The following ANKLE1 variants were observed in gnomAD, a reference collection of about 807,000 sequenced individuals.
The protein encoded by ANKLE1 is structure-specific endonuclease ANKLE1.
ANKLE1 carries 59 observed loss-of-function variants against 56.2 expected under a neutral mutation model. The ratio of observed to expected loss-of-function variants is 1.05; its 90% CI spans 0.85 to 1.30. The LOEUF (loss-of-function observed/expected upper bound fraction) is 1.30, where lower values mean the gene tolerates loss of function less well. ANKLE1 is among the 50% of genes most tolerant of loss of function. The probability of loss-of-function intolerance (pLI) is 0.00; values close to 1 mark genes in which losing one functional copy is unlikely to be tolerated. For synonymous variants in ANKLE1, 341 were observed against 352.9 expected, an observed-to-expected ratio of 0.97 and a Z score of 0.38; for missense variants, 771 against 816.1, an observed-to-expected ratio of 0.94 and a Z score of 0.67.
chr19:17,286,491 T>A lies in ANKLE1; in HGVS notation c.1787T>A (p.Leu596His). 6.2e-7 allele frequency: 1 copy of A among 1,612,726 alleles called. No homozygotes were observed. Among genetic ancestry groups the A allele is most frequent in the Non-Finnish European group, 8.5e-7 (1 of 1,179,768 alleles). Residue 596 changes from leucine (L) to histidine (H), a missense_variant, in exon 9 of 9, where the codon CTT becomes CAT. Coordinates refer to ENST00000404085, the MANE Select transcript of ANKLE1 (RefSeq NM_152363.6). ...LGVHLLHRAL[L>H]VFLAEGERQL... ...GTGCACCTGCTGCACCGTGCCCTCCTTGTCTTCCTGGCTGAAGGCGAGCGA... is the reference window on the plus strand; with the variant it reads ...GTGCACCTGCTGCACCGTGCCCTCCATGTCTTCCTGGCTGAAGGCGAGCGA...
rs199646879 is a variant in ANKLE1 at position 17,285,512 on chromosome 19, C to T, written c.1458C>T (p.Tyr486=). The part of the protein sequence containing the change: ...RLQTFIRAIF[Y]VGKGTRARPY... ...AGACTTTCATCCGTGCCATCTTCTA[C>T]GTGGGCAAAGGGACGAGGGCCCGGC... is the stretch of plus-strand genomic sequence containing the variant. Residue 486 remains tyrosine, a synonymous_variant, in exon 7 of 9, where the codon TAC becomes TAT. Coordinates refer to ENST00000404085, the MANE Select transcript of ANKLE1 (RefSeq NM_152363.6). 4.4e-5 allele frequency: 71 copies of T among 1,613,924 alleles called. No homozygotes were observed. In the East Asian group the frequency reaches 8.7e-4, roughly 20 times the overall value.
In ANKLE1 at chr19:17,283,704, G is replaced by T; in HGVS notation, c.940G>T (p.Ala314Ser). 6.2e-7 allele frequency: 1 copy of T among 1,613,576 alleles called. No homozygotes were observed. The highest frequency in any genetic ancestry group is 8.5e-7 in the Non-Finnish European group (1 of 1,179,886). Residue 314 changes from alanine to serine, a missense_variant, in exon 5 of 9, where the codon GCT (alanine) becomes TCT (serine). Transcript: ENST00000404085. ...HSPPRTPTPG[A>S]SDCHCLWEHQ... ...CCCCCCACGGACACCAACCCCTGGA[G>T]CTTCTGACTGCCACTGCCTGTGGGA...
rs1474009240 is a variant in ANKLE1 at position 17,286,675 on chromosome 19, T to TTG, written c.*123_*124insTG. 8.9e-7 allele frequency: 1 copy of TTG among 1,119,558 alleles called. No individual in the cohort carries two copies. The highest frequency in any genetic ancestry group is 1.2e-6 in the Non-Finnish European group (1 of 813,124). 69.4% of individuals were successfully genotyped at this position (1,119,558 alleles called of 1,614,324 possible). A position where few individuals can be genotyped will look rare whatever the true frequency, so the allele number is the denominator to read the frequency against. ...GTGTGTGTGTGTGTGTGTGTGTGTG[T>TTG]GTGTGTGTGTGTGTGTTTGTGTGTG... is the stretch of plus-strand genomic sequence containing the variant. On this transcript the variant is annotated 3_prime_UTR_variant, in exon 9 of 9. Transcript: ENST00000404085.
At chr19:17,286,339 C>T (rs969482163) in intron 8 of ANKLE1, 41 bp from the exon 9 acceptor site, 1 of 1,525,470 alleles carries the variant, frequency 6.6e-7, no homozygotes, top group African/African-American at 1.4e-5. Flanking sequence ...GGGGAGGTGT[C>T]CCCATGGCTG....
At position 17,285,504 on chromosome 19, in the gene ANKLE1, A is replaced by G; in HGVS notation, c.1450A>G (p.Ile484Val). Residue 484 changes from isoleucine to valine, a missense_variant, in exon 7 of 9, where the codon ATC (isoleucine) becomes GTC (valine). Coordinates refer to ENST00000404085, the MANE Select transcript of ANKLE1 (RefSeq NM_152363.6). ...GCGCCTTCAGACTTTCATCCGTGCC[A>G]TCTTCTACGTGGGCAAAGGGACGAG... ...AERLQTFIRA[I>V]FYVGKGTRAR... The G allele has an allele frequency of 3.1e-6, 5 of 1,613,880 alleles. No homozygotes were observed. Among genetic ancestry groups the G allele is most frequent in the Non-Finnish European group, 4.2e-6 (5 of 1,179,882 alleles).
At chr19:17,282,277 C>G (rs1292284562) in intron 2 of ANKLE1, 68 bp downstream of exon 2, 1 of 1,369,786 alleles carries the variant, frequency 7.3e-7, no homozygotes. Context: ...GGAAGGGGCG[C>G]CCCATCATCC....
At chr19:17,285,115 C>T (rs904555075) in intron 6 of ANKLE1, among the ~76,000 whole-genome samples, 2 of 151,948 alleles carry the variant, frequency 1.3e-5, no homozygotes, top group African/African-American at 4.8e-5. Flanking sequence ...CAAAATTAGC[C>T]AGGTGTGTTG....
chr19:17,283,949 C>A lies in ANKLE1; in HGVS notation c.1185C>A (p.Ala395=). 6.2e-7 allele frequency: 1 copy of A among 1,604,478 alleles called. No homozygotes were observed. The highest frequency in any genetic ancestry group is 8.5e-7 in the Non-Finnish European group (1 of 1,173,454). Residue 395 remains alanine, a synonymous_variant, in exon 5 of 9, where the codon GCC becomes GCA. Coordinates refer to ENST00000404085, the MANE Select transcript of ANKLE1 (RefSeq NM_152363.6). The part of the protein sequence containing the change: ...RQLYHQQLEE[A]QIAPGPEFSG... ...TGTACCACCAGCAGCTGGAAGAAGCCCAGATTGCTCCTGGTTAGTCTTCCC... is the reference window on the plus strand; with the variant it reads ...TGTACCACCAGCAGCTGGAAGAAGCACAGATTGCTCCTGGTTAGTCTTCCC...
In ANKLE1 at chr19:17,283,532, T is replaced by C; in HGVS notation, c.768T>C (p.His256=). 3 of 1,613,092 alleles carry C rather than the reference T, an allele frequency of 1.9e-6. No individual in the cohort carries two copies. Among genetic ancestry groups the C allele is most frequent in the Non-Finnish European group, 2.5e-6 (3 of 1,179,776 alleles). The change falls in exon 5 of 9, where the codon CAT becomes CAC. Residue 256 remains histidine (H), a synonymous_variant. Coordinates refer to ENST00000404085, the MANE Select transcript of ANKLE1 (RefSeq NM_152363.6). The part of the protein sequence containing the change: ...PTRQGLLHVV[H]ANQRVPRSQG... ...GGCAGGGACTTCTGCATGTTGTCCA[T>C]GCCAACCAGAGGGTACCTAGGTCTC...
In ANKLE1 at chr19:17,286,656, GT is replaced by G; in HGVS notation, c.*105del. ...CTCTGGTTTCAGAAGGGGTGTGTGT[GT>G]GTGTGTGTGTGTGTGTGTGTGTGTG... On this transcript the variant is annotated 3_prime_UTR_variant, in exon 9 of 9. Coordinates refer to ENST00000404085, the MANE Select transcript of ANKLE1 (RefSeq NM_152363.6). The G allele has an allele frequency of 5.9e-6, 4 of 678,882 alleles. No individual in the cohort carries two copies. The highest frequency in any genetic ancestry group is 8.9e-6 in the Non-Finnish European group (4 of 450,900). The allele number at this position is 678,882 out of a possible 1,614,324, so 42.1% of individuals were successfully genotyped here. A position where few individuals can be genotyped will look rare whatever the true frequency, so the allele number is the denominator to read the frequency against.
chr19:17,284,725 G>A lies in ANKLE1; in HGVS notation c.1376+459G>A, dbSNP rs565394045. Among the ~76,000 whole-genome samples, 25 of 120,620 alleles carry A rather than the reference G, an allele frequency of 2.1e-4. No individual in the cohort carries two copies. The Admixed American group carries it at 2.4e-3, about 11-fold the overall frequency. The allele number at this position is 120,620 out of a possible 152,430, so 79.1% of individuals were successfully genotyped here. On this transcript the variant is annotated intron_variant, in intron 6 of 8. Transcript: ENST00000404085. ...TTTTGAGGCGGAGTCTCACTGTTTCGCCCAGGCTGGAATGTAGTAGCGCAA... is the reference window on the plus strand; with the variant it reads ...TTTTGAGGCGGAGTCTCACTGTTTCACCCAGGCTGGAATGTAGTAGCGCAA...
intron 2 of ANKLE1, 36 bp downstream of exon 2, chr19:17,282,245 CA>C: frequency 6.9e-7 from 1 of 1,448,344 alleles, no homozygotes; most frequent in Non-Finnish European, 9.0e-7. Context: ...GGGGTCTCCC[CA>C]AGCCGAAGTC....
intron 6 of ANKLE1, 90 bp from the exon 7 acceptor site, chr19:17,285,341 C>A (rs2074019251): frequency 1.3e-6 from 2 of 1,488,700 alleles, no homozygotes; most frequent in Non-Finnish European, 1.8e-6. Context: ...AGTCACTAGA[C>A]ATGGGTTCAA....
Position 17,281,966 on chromosome 19 carries a change from C to A in ANKLE1, c.46C>A (p.Arg16=). 6.5e-7 allele frequency: 1 copy of A among 1,533,698 alleles called. No individual in the cohort carries two copies. The highest frequency in any genetic ancestry group is 1.2e-5 in the South Asian group (1 of 83,810). Residue 16 remains arginine, a synonymous_variant, in exon 1 of 9, where the codon CGG becomes AGG. Coordinates refer to ENST00000404085, the MANE Select transcript of ANKLE1 (RefSeq NM_152363.6). The part of the protein sequence containing the change: ...RLARRLRDAL[R]EEEPWAVEEL... ...GGCTCGCAGGTTGCGGGATGCGCTGCGGGAGGAGGAGCCGTGGTGAGGGCG... is the reference window on the plus strand; with the variant it reads ...GGCTCGCAGGTTGCGGGATGCGCTGAGGGAGGAGGAGCCGTGGTGAGGGCG...
rs375392662 is a variant in ANKLE1, at chr19:17,282,950, G to A, written c.408G>A (p.Arg136=). 7.5e-5 allele frequency: 118 copies of A among 1,568,386 alleles called. No individual in the cohort carries two copies. In the African/African-American group the frequency reaches 1.5e-3, roughly 20 times the overall value. The part of the protein sequence containing the change: ...RVLQDLDTRT[R]TRTRIGAETQ... Reference sequence around the variant, plus strand: ...TGCAGGATCTCGACACGCGGACCAGGACCCGGACCCGGATCGGGGCAGAGA... The same window carrying A: ...TGCAGGATCTCGACACGCGGACCAGAACCCGGACCCGGATCGGGGCAGAGA... Residue 136 remains arginine, a synonymous_variant, in exon 4 of 9, where the codon AGG becomes AGA. Coordinates refer to ENST00000404085, the MANE Select transcript of ANKLE1 (RefSeq NM_152363.6).
At position 17,284,123 on chromosome 19, in the gene ANKLE1, T is replaced by C. The variant is rs1487198369; in HGVS notation, c.1233T>C (p.Ala411=). Residue 411 remains alanine (A), a synonymous_variant, in exon 6 of 9, where the codon GCT becomes GCC. Coordinates refer to ENST00000404085, the MANE Select transcript of ANKLE1 (RefSeq NM_152363.6). Reference sequence around the variant, plus strand: ...TTTCAGGGCACAGCCTAGAACTGGCTGCAGCCCTGCGGACGGGCTGTATTC... The same window carrying C: ...TTTCAGGGCACAGCCTAGAACTGGCCGCAGCCCTGCGGACGGGCTGTATTC... ...PEFSGHSLEL[A]AALRTGCIPD... 2 of 1,613,926 alleles carry C rather than the reference T, an allele frequency of 1.2e-6. No homozygotes were observed. The highest frequency in any genetic ancestry group is 1.7e-5 in the Admixed American group (1 of 60,010).
intron 2 of ANKLE1, 74 bp from the exon 3 acceptor site, chr19:17,282,582 G>C: frequency 7.1e-7 from 1 of 1,403,492 alleles, no homozygotes; most frequent in Non-Finnish European, 9.7e-7. Context: ...AAGGCTCCAG[G>C]TCCCCAGAGC....
At position 17,286,027 on chromosome 19, in the gene ANKLE1, G is replaced by T. The variant is rs75503326; in HGVS notation, c.1675+208G>T. On this transcript the variant is annotated intron_variant, in intron 8 of 8. Transcript: ENST00000404085. Reference sequence around the variant, plus strand: ...TGGGTTTGCTGTCACATACTTTTTTGTGTGTGTGTGAGACTCTGTCGCCCA... The same window carrying T: ...TGGGTTTGCTGTCACATACTTTTTTTTGTGTGTGTGAGACTCTGTCGCCCA... Among the ~76,000 whole-genome samples, 343 of 152,156 alleles carry T rather than the reference G, an allele frequency of 2.3e-3. 3 individuals are homozygous for T. Among genetic ancestry groups the T allele is most frequent in the African/African-American group, 7.5e-3 (310 of 41,504 alleles).
At position 17,287,208 on chromosome 19, in the gene ANKLE1, A is replaced by T. The variant is rs1480516466; in HGVS notation, c.*656A>T. The T allele has an allele frequency of 6.6e-6, 1 of 152,276 alleles. No individual in the cohort carries two copies. The highest frequency in any genetic ancestry group is 2.4e-5 in the African/African-American group (1 of 41,448). The allele number at this position is 152,276 out of a possible 1,614,324, so 9.4% of individuals were successfully genotyped here. The stretch of plus-strand genomic sequence containing the variant: ...CATTTTGGGAGGCCAAGGAGGGCAG[A>T]TCACCTAAGGTCAGGAGTTCAAGAC... On this transcript the variant is annotated 3_prime_UTR_variant, in exon 9 of 9. Coordinates refer to ENST00000404085, the MANE Select transcript of ANKLE1 (RefSeq NM_152363.6).
Sources: gnomAD v4.1 joint callset for allele counts (sites outside exome capture counted in the v4.1 genomes callset) on GRCh38, gnomAD v4.1.1 for gene constraint, MANE v1.5 for transcripts, NCBI Gene and HGNC (gene_info 2026-07-23, HGNC 2026-07-21) for gene names.